GYG2: variants seen among roughly 807,000 people sequenced by gnomAD.
The protein encoded by GYG2 is glycogenin-2.
A neutral mutation model predicts 29.4 loss-of-function variants in GYG2; 29 were observed. The observed-to-expected ratio is 0.99, with a 90% CI of 0.74 to 1.35. The LOEUF (loss-of-function observed/expected upper bound fraction) is 1.35, where lower values mean the gene tolerates loss of function less well. Ranked by LOEUF, GYG2 falls within the 40% of genes most tolerant of loss-of-function variation. The pLI, the probability that GYG2 is intolerant of heterozygous loss-of-function variation, is 0.00. For missense variants in GYG2, 370 were observed against 385.7 expected (o/e 0.96, Z 0.34); for synonymous variants, 167 against 172.3 (o/e 0.97, Z 0.24).
At position 2,861,582 on chromosome X, in the gene GYG2, T is replaced by C; in HGVS notation, c.898T>C (p.Cys300Arg). ...ADSASGVGEPCENSTPSAGVP... is the reference protein window; with the variant it reads ...ADSASGVGEPRENSTPSAGVP... ...TTCAGCCTCTGGTGTTGGAGAGCCG[T>C]GTGAAAATTCAACACCCAGTGCGGG... Residue 300 changes from cysteine (C) to arginine (R), a missense_variant, in exon 8 of 11, where the codon TGT becomes CGT. Coordinates refer to ENST00000398806, the MANE Select transcript of GYG2 (RefSeq NM_001079855.2). The C allele has an allele frequency of 8.3e-7, 1 of 1,208,665 alleles. No homozygotes were observed. The highest frequency in any genetic ancestry group is 1.1e-6 in the Non-Finnish European group (1 of 893,303).
chrX:2,872,032 A>G (rs895327690), intron 8 of GYG2, among the ~76,000 whole-genome samples: 1 of 111,384 alleles, frequency 9.0e-6, no homozygotes, highest in Non-Finnish European at 1.9e-5. Context: ...GTCTGCCTTT[A>G]CGATGTCCTC....
Position 2,881,207 on chromosome X carries a change from G to A in GYG2, c.1407G>A (p.Leu469=), listed in dbSNP as rs765334857. The part of the protein sequence containing the change: ...ARIQEKLDRF[L]Q ...TCCAGGAGAAGCTGGACCGGTTCCTGCAGTAATCCGGCAGCTGGTGGGCGT... is the reference window on the plus strand; with the variant it reads ...TCCAGGAGAAGCTGGACCGGTTCCTACAGTAATCCGGCAGCTGGTGGGCGT... The change falls in exon 11 of 11, where the codon CTG becomes CTA. Residue 469 remains leucine (L), a synonymous_variant. Coordinates refer to ENST00000398806, the MANE Select transcript of GYG2 (RefSeq NM_001079855.2). 8.5e-7 allele frequency: 1 copy of A among 1,182,173 alleles called. No homozygotes were observed. Among genetic ancestry groups the A allele is most frequent in the Non-Finnish European group, 1.1e-6 (1 of 879,927 alleles).
chrX:2,831,329 G>A (rs1387563606), intron 2 of GYG2, among the ~76,000 whole-genome samples: 1 of 112,298 alleles, frequency 8.9e-6, no homozygotes, highest in East Asian at 2.8e-4. Context: ...GCCTCTCAAA[G>A]TGCTGGGATT....
At chrX:2,836,668 C>A (rs1402821930) in intron 2 of GYG2, among the ~76,000 whole-genome samples, 1 of 78,572 alleles carries the variant, frequency 1.3e-5, no homozygotes, top group Admixed American at 1.4e-4. Flanking sequence ...AGAGCAAGAC[C>A]CTGTCAAAAA....
intron 2 of GYG2, among the ~76,000 whole-genome samples, chrX:2,834,347 G>A (rs1431149478): frequency 2.7e-5 from 3 of 110,979 alleles, no homozygotes; most frequent in Admixed American, 9.6e-5. Flanking sequence ...TAATGAGAGC[G>A]CAGAGGTATG....
At chrX:2,831,402 A>G (rs2087260892) in intron 2 of GYG2, among the ~76,000 whole-genome samples, 1 of 111,399 alleles carries the variant, frequency 9.0e-6, no homozygotes, top group Non-Finnish European at 1.9e-5. Context: ...AGAACAGATG[A>G]CTTTTTTATT....
intron 8 of GYG2, among the ~76,000 whole-genome samples, chrX:2,867,869 G>A (rs1034752570): frequency 1.8e-5 from 2 of 111,989 alleles, no homozygotes; most frequent in African/African-American, 6.5e-5. Flanking sequence ...CCAAGTGTTG[G>A]CAGATCACTT....
rs781168600 is a variant in GYG2 at position 2,836,230 on chromosome X, G to A, written c.7+6035G>A. Among the ~76,000 whole-genome samples the A allele has an allele frequency of 2.4e-4, 27 of 111,342 alleles. No individual in the cohort carries two copies. The South Asian group carries it at 6.5e-3, about 27-fold the overall frequency. On this transcript the variant is annotated intron_variant, in intron 2 of 10. Transcript: ENST00000398806. ...GGGTTGGCTTTCAGGGCAGCTGATG[G>A]CTTTCACTGTGTGTTGGGGGAGAAA...
At chrX:2,837,862 CACACACAT>C (rs911211846) in intron 2 of GYG2, among the ~76,000 whole-genome samples, 1 of 86,523 alleles carries the variant, frequency 1.2e-5, no homozygotes, top group Non-Finnish European at 2.4e-5. Context: ...CACACACACA[CACACACAT>C]ACACACACAC....
intron 8 of GYG2, among the ~76,000 whole-genome samples, chrX:2,868,800 C>T (rs1357532363): frequency 2.7e-5 from 3 of 111,049 alleles, no homozygotes; most frequent in African/African-American, 9.8e-5. Context: ...AACAAACCTG[C>T]ACATCCTGCA....
At chrX:2,839,859 T>C (rs2087456468) in intron 2 of GYG2, among the ~76,000 whole-genome samples, 1 of 112,320 alleles carries the variant, frequency 8.9e-6, no homozygotes. Context: ...AAAATAGGAA[T>C]GTAGAGACAG....
In GYG2 at chrX:2,854,990, C is replaced by T. The variant is rs983738317; in HGVS notation, c.325-3C>T. On this transcript the variant is annotated splice_polypyrimidine_tract_variant and splice_region_variant and intron_variant, in intron 4 of 10. Transcript: ENST00000398806. ...GCGGGTTCTGCGTGTTTTGCTTCAC[C>T]AGGTGCTGTCCAATGTCGATGAGCT... 1.5e-5 allele frequency: 18 copies of T among 1,206,409 alleles called. No homozygotes were observed. The highest frequency in any genetic ancestry group is 3.6e-5 in the South Asian group (2 of 56,098).
intron 2 of GYG2, among the ~76,000 whole-genome samples, chrX:2,841,395 A>G (rs1456452205): frequency 9.1e-6 from 1 of 110,262 alleles, no homozygotes; most frequent in Non-Finnish European, 1.9e-5. Context: ...ATGGATAGAT[A>G]GATGATAGAT....
intron 6 of GYG2, among the ~76,000 whole-genome samples, chrX:2,859,083 CTG>C (rs2088091912): frequency 9.0e-6 from 1 of 111,549 alleles, no homozygotes; most frequent in Non-Finnish European, 1.9e-5. Flanking sequence ...ACTGCAAAAA[CTG>C]TGATTTAAAA....
chrX:2,849,983 G>C (rs910463437), intron 3 of GYG2, among the ~76,000 whole-genome samples: 2 of 110,978 alleles, frequency 1.8e-5, no homozygotes, highest in Non-Finnish European at 3.8e-5. Context: ...TGAGTGCAGT[G>C]GCACATGCCT....
At chrX:2,845,029 T>A (rs189696891) in intron 3 of GYG2, among the ~76,000 whole-genome samples, 1 of 88,011 alleles carries the variant, frequency 1.1e-5, no homozygotes, top group Non-Finnish European at 2.2e-5. Context: ...GTATGTATAT[T>A]TATATACACA....
intron 3 of GYG2, among the ~76,000 whole-genome samples, chrX:2,851,491 G>T (rs942911815): frequency 8.9e-6 from 1 of 111,978 alleles, no homozygotes; most frequent in African/African-American, 3.2e-5. Flanking sequence ...TGATCCACCT[G>T]CCTAGGCCTC....
chrX:2,869,862 G>A (rs1432343173), intron 8 of GYG2, among the ~76,000 whole-genome samples: 1 of 112,373 alleles, frequency 8.9e-6, no homozygotes, highest in Non-Finnish European at 1.9e-5. Context: ...GGCTACTCTT[G>A]AATTCCTGGG....
At chrX:2,874,673 C>T (rs1369022823) in intron 8 of GYG2, among the ~76,000 whole-genome samples, 2 of 111,862 alleles carry the variant, frequency 1.8e-5, no homozygotes, top group Admixed American at 1.9e-4. Flanking sequence ...CCATAAACAC[C>T]TGTGAAATGC....
Sources: gnomAD v4.1 joint callset for allele counts (sites outside exome capture counted in the v4.1 genomes callset) on GRCh38, gnomAD v4.1.1 for gene constraint, MANE v1.5 for transcripts, NCBI Gene and HGNC (gene_info 2026-07-23, HGNC 2026-07-21) for gene names.